The following KAT6B variants were observed in gnomAD, a reference collection of about 807,000 sequenced individuals.
KAT6B encodes the protein histone acetyltransferase KAT6B.
Under a neutral mutation model 187.5 loss-of-function variants are expected in KAT6B, and 10 were observed. The ratio of observed to expected loss-of-function variants is 0.05; its 90% CI spans 0.03 to 0.09. The LOEUF (loss-of-function observed/expected upper bound fraction) is 0.09. KAT6B is among the 10% of genes least tolerant of loss of function. The pLI, the probability that KAT6B is intolerant of heterozygous loss-of-function variation, is 1.00. For missense variants in KAT6B, 1,952 were observed against 2,558.9 expected (o/e 0.76, Z 5.12); for synonymous variants, 861 against 926.8 (o/e 0.93, Z 1.29).
At chr10:74,878,538 T>C (rs985426504) in intron 3 of KAT6B, among the ~76,000 whole-genome samples, 5 of 148,822 alleles carry the variant, frequency 3.4e-5, no homozygotes, top group Non-Finnish European at 3.0e-5. Context: ...GAGAATCACT[T>C]GAACCCGGGA....
intron 3 of KAT6B, among the ~76,000 whole-genome samples, chr10:74,926,407 T>C (rs2133116258): frequency 6.6e-6 from 1 of 152,286 alleles, no homozygotes; most frequent in South Asian, 2.1e-4. Context: ...TGAGTCGAGA[T>C]TGCACCACTG....
intron 4 of KAT6B, among the ~76,000 whole-genome samples, chr10:74,962,202 A>T (rs527942392): frequency 2.0e-5 from 3 of 152,380 alleles, no homozygotes; most frequent in Non-Finnish European, 4.4e-5. Flanking sequence ...CTGATAAATC[A>T]GAAGAATAGA....
chr10:74,919,968 ATGTCATTG>A (rs1847990858), intron 3 of KAT6B, among the ~76,000 whole-genome samples: 1 of 152,108 alleles, frequency 6.6e-6, no homozygotes, highest in Non-Finnish European at 1.5e-5. Flanking sequence ...AATATAGTTA[ATGTCATTG>A]TTTTTAAATC....
At chr10:74,912,410 T>TAGATAGATAGAA (rs1344081593) in intron 3 of KAT6B, among the ~76,000 whole-genome samples, 76 of 151,940 alleles carry the variant, frequency 5.0e-4, no homozygotes, top group Admixed American at 1.8e-3. Context: ...GATAGATAGA[T>TAGATAGATAGAA]AGAAAGATAG....
At chr10:74,858,756 A>C (rs1349791192) in intron 3 of KAT6B, among the ~76,000 whole-genome samples, 5 of 151,950 alleles carry the variant, frequency 3.3e-5, no homozygotes, top group Non-Finnish European at 7.4e-5. Context: ...AGAGTTCGAG[A>C]CCAGCCTGGG....
intron 3 of KAT6B, among the ~76,000 whole-genome samples, chr10:74,863,411 T>C (rs551872160): frequency 6.6e-6 from 1 of 152,360 alleles, no homozygotes; most frequent in East Asian, 1.9e-4. Flanking sequence ...CTATTACAAA[T>C]AATACCGCTA....
At chr10:74,845,349 A>G (rs1313139685) in intron 3 of KAT6B, among the ~76,000 whole-genome samples, 1 of 151,240 alleles carries the variant, frequency 6.6e-6, no homozygotes, top group East Asian at 1.9e-4. Context: ...GTGAAACCCC[A>G]TCTCTACTAA....
At chr10:75,022,444 G>A (rs1246500074) in intron 16 of KAT6B, among the ~76,000 whole-genome samples, 1 of 152,176 alleles carries the variant, frequency 6.6e-6, no homozygotes, top group African/African-American at 2.4e-5. Context: ...AGGAAACCAG[G>A]GACAGGCCAG....
intron 3 of KAT6B, among the ~76,000 whole-genome samples, chr10:74,923,762 C>T (rs1031935554): frequency 2.6e-5 from 4 of 152,184 alleles, no homozygotes; most frequent in Non-Finnish European, 5.9e-5. Flanking sequence ...CAGCACAGGT[C>T]AGGCCTCTGG....
chr10:75,015,815 A>G (rs1448724546), intron 13 of KAT6B, among the ~76,000 whole-genome samples: 1 of 152,272 alleles, frequency 6.6e-6, no homozygotes, highest in African/African-American at 2.4e-5. Flanking sequence ...CACATAATCC[A>G]GAGAGATGGA....
chr10:74,918,568 C>A (rs920533834), intron 3 of KAT6B, among the ~76,000 whole-genome samples: 12 of 152,054 alleles, frequency 7.9e-5, no homozygotes, highest in Non-Finnish European at 1.2e-4. Flanking sequence ...CATGGTGAAA[C>A]CTTGTCTTTT....
At chr10:75,010,914 A>G (rs1844559572) in intron 13 of KAT6B, among the ~76,000 whole-genome samples, 1 of 152,212 alleles carries the variant, frequency 6.6e-6, no homozygotes, top group Admixed American at 6.5e-5. Flanking sequence ...CTTAAAGGTA[A>G]AGCATTTTAA....
Position 74,843,175 on chromosome 10 carries a change from T to C in KAT6B, c.318T>C (p.Asp106=). ...CATGTAATGATCTCCGCAATGTGGATTGGAATAAACTTTTAAGGAGAGCAA... is the reference window on the plus strand; with the variant it reads ...CATGTAATGATCTCCGCAATGTGGACTGGAATAAACTTTTAAGGAGAGCAA... The part of the protein sequence containing the change: ...RGSCNDLRNV[D]WNKLLRRAIE... Residue 106 remains aspartate (D), a synonymous_variant, in exon 3 of 18, where the codon GAT becomes GAC. Coordinates refer to ENST00000287239, the MANE Select transcript of KAT6B (RefSeq NM_012330.4). 6.2e-7 allele frequency: 1 copy of C among 1,614,096 alleles called. No individual in the cohort carries two copies. The highest frequency in any genetic ancestry group is 8.5e-7 in the Non-Finnish European group (1 of 1,180,024).
chr10:74,924,720 C>T (rs1045020700), intron 3 of KAT6B, among the ~76,000 whole-genome samples: 9 of 152,174 alleles, frequency 5.9e-5, no homozygotes, highest in Non-Finnish European at 1.2e-4. Flanking sequence ...AATTCTGTTA[C>T]TTACTTCCTA....
intron 3 of KAT6B, among the ~76,000 whole-genome samples, chr10:74,889,498 C>T (rs1589556631): frequency 6.6e-6 from 1 of 152,074 alleles, no homozygotes; most frequent in Non-Finnish European, 1.5e-5. Context: ...GAATTCAGGG[C>T]CAGTTGCCTC....
intron 3 of KAT6B, among the ~76,000 whole-genome samples, chr10:74,913,471 TGCTG>T (rs1264992574): frequency 6.6e-6 from 1 of 152,222 alleles, no homozygotes; most frequent in African/African-American, 2.4e-5. Context: ...TATCCTGTTG[TGCTG>T]TGTGTTCACC....
chr10:74,893,126 C>T (rs1282670062), intron 3 of KAT6B, among the ~76,000 whole-genome samples: 1 of 152,228 alleles, frequency 6.6e-6, no homozygotes, highest in Non-Finnish European at 1.5e-5. Flanking sequence ...AGTCAAAGGG[C>T]ACCCGTTGCC....
chr10:74,879,274 T>A (rs1242034855), intron 3 of KAT6B, among the ~76,000 whole-genome samples: 1 of 152,028 alleles, frequency 6.6e-6, no homozygotes, highest in Non-Finnish European at 1.5e-5. Flanking sequence ...GACCAAGTGG[T>A]TTTCTGGGTT....
At chr10:75,012,714 A>G (rs1844701707) in intron 13 of KAT6B, among the ~76,000 whole-genome samples, 1 of 151,908 alleles carries the variant, frequency 6.6e-6, no homozygotes, top group African/African-American at 2.4e-5. Flanking sequence ...TCCCTGGGGG[A>G]CTGACATGCA....
Sources: gnomAD v4.1 joint callset for allele counts (sites outside exome capture counted in the v4.1 genomes callset) on GRCh38, gnomAD v4.1.1 for gene constraint, MANE v1.5 for transcripts, NCBI Gene and HGNC (gene_info 2026-07-23, HGNC 2026-07-21) for gene names.